DTNA: variants seen among roughly 807,000 people sequenced by gnomAD.
The protein encoded by DTNA is dystrobrevin alpha.
In DTNA, 43 loss-of-function variants were observed where a neutral mutation model predicts 100.7. The ratio of observed to expected loss-of-function variants is 0.43; its 90% confidence interval spans 0.33 to 0.55. DTNA has a LOEUF of 0.55. Among genes scored for constraint, DTNA ranks in the 20% least tolerant of loss-of-function variants. DTNA has a pLI of 0.04. For synonymous variants in DTNA, 349 were observed against 347.9 expected, an observed-to-expected ratio of 1.00 and a Z score of -0.04; for missense variants, 798 against 953.9, an observed-to-expected ratio of 0.84 and a Z score of 2.15.
chr18:34,874,400 T>C (rs1405027275), intron 17 of DTNA, among the ~76,000 whole-genome samples: 1 of 152,220 alleles, frequency 6.6e-6, no homozygotes, highest in African/African-American at 2.4e-5. Flanking sequence ...GGAGAATATT[T>C]CCAAGGCACC....
chr18:34,660,533 G>A (rs1463355109), intron 1 of DTNA, among the ~76,000 whole-genome samples: 1 of 152,032 alleles, frequency 6.6e-6, no homozygotes, highest in Non-Finnish European at 1.5e-5. Flanking sequence ...TCTGCATTCT[G>A]TAGAGAATCC....
intron 9 of DTNA, among the ~76,000 whole-genome samples, chr18:34,826,536 T>C (rs1018825579): frequency 2.6e-5 from 4 of 152,176 alleles, no homozygotes; most frequent in Admixed American, 2.6e-4. Context: ...TTCTCTAAGG[T>C]AAAAATTAAA....
chr18:34,680,558 A>C (rs927805699), intron 1 of DTNA, among the ~76,000 whole-genome samples: 1 of 152,184 alleles, frequency 6.6e-6, no homozygotes, highest in African/African-American at 2.4e-5. Flanking sequence ...ATCTAATCTG[A>C]AAGGCAGAGA....
chr18:34,786,869 C>T (rs1029552022), intron 3 of DTNA, among the ~76,000 whole-genome samples: 1 of 152,108 alleles, frequency 6.6e-6, no homozygotes, highest in Non-Finnish European at 1.5e-5. Flanking sequence ...TTATGGTAAT[C>T]AGCTTCTTGC....
rs28650208 is a variant in DTNA at position 34,884,626 on chromosome 18, C to G, written c.2296-102C>G. 2,669 of 1,214,944 alleles carry G rather than the reference C, an allele frequency of 2.2e-3. 49 individuals carry two copies. The African/African-American group carries it at 0.034, about 16-fold the overall frequency. 75.3% of individuals were successfully genotyped at this position (1,214,944 alleles called of 1,614,324 possible). On this transcript the variant is annotated intron_variant, in intron 21 of 22. Coordinates refer to ENST00000444659, the MANE Select transcript of DTNA (RefSeq NM_001386795.1). ...CTCACTCAATAGACTCTCTCTCTCT[C>G]TGTGTCTTTGTGCATGGCTTCCCGC... is the stretch of plus-strand genomic sequence containing the variant.
At chr18:34,707,456 G>A (rs557528559), upstream of DTNA, among the ~76,000 whole-genome samples, 2 of 152,030 alleles carry the variant, frequency 1.3e-5, no homozygotes, top group Non-Finnish European at 2.9e-5. Context: ...ATATACTGGC[G>A]TCGTATTCCC....
Position 34,888,578 on chromosome 18 carries a change from A to T in DTNA, c.*844A>T. 4.1e-6 allele frequency: 4 copies of T among 985,806 alleles called. No homozygotes were observed. The highest frequency in any genetic ancestry group is 4.8e-6 in the Non-Finnish European group (4 of 829,856). 61.1% of individuals were successfully genotyped at this position (985,806 alleles called of 1,614,324 possible). ...ATTCAAAAAAGGCAGCATTCAAATT[A>T]TATAGAATCTAGTTTTTAAAATCAG... On this transcript the variant is annotated 3_prime_UTR_variant, in exon 23 of 23. Coordinates refer to ENST00000444659, the MANE Select transcript of DTNA (RefSeq NM_001386795.1).
At chr18:34,577,601 G>A (rs1450322900) in intron 1 of DTNA, among the ~76,000 whole-genome samples, 1 of 152,028 alleles carries the variant, frequency 6.6e-6, no homozygotes, top group Non-Finnish European at 1.5e-5. Context: ...ACCCTTCCCT[G>A]GTGAGTCCCC....
chr18:34,650,195 A>C (rs2060283577), intron 1 of DTNA, among the ~76,000 whole-genome samples: 1 of 152,158 alleles, frequency 6.6e-6, no homozygotes, highest in African/African-American at 2.4e-5. Context: ...CTGGCACCTG[A>C]AAATCTTCAC....
intron 3 of DTNA, among the ~76,000 whole-genome samples, chr18:34,771,321 T>A (rs967087651): frequency 1.3e-4 from 19 of 151,808 alleles, no homozygotes; most frequent in Non-Finnish European, 1.8e-4. Context: ...AACATGGTGA[T>A]ACCCCATCTC....
At chr18:34,565,289 A>T (rs1433833667) in intron 1 of DTNA, among the ~76,000 whole-genome samples, 1 of 152,240 alleles carries the variant, frequency 6.6e-6, no homozygotes, top group Non-Finnish European at 1.5e-5. Flanking sequence ...TATTAAAAAT[A>T]GAGAAGAAAT....
chr18:34,853,675 T>TA (rs1044900807), intron 15 of DTNA, among the ~76,000 whole-genome samples: 4 of 151,306 alleles, frequency 2.6e-5, no homozygotes, highest in South Asian at 4.2e-4. Context: ...AAAATAAAAT[T>TA]AAAAAAAAGT....
chr18:34,798,429 C>T (rs1183484698), intron 4 of DTNA, among the ~76,000 whole-genome samples: 1 of 151,714 alleles, frequency 6.6e-6, no homozygotes, highest in East Asian at 1.9e-4. Flanking sequence ...AAAAAAAAAA[C>T]AAGTGTTCAT....
At chr18:34,878,960 AATTTAG>A (rs2096845721) in intron 19 of DTNA, among the ~76,000 whole-genome samples, 4 of 152,214 alleles carry the variant, frequency 2.6e-5, no homozygotes, top group Admixed American at 1.3e-4. Flanking sequence ...TGTTGCTGCT[AATTTAG>A]ATTAAGATTA....
At chr18:34,815,675 A>AG in intron 6 of DTNA, 1 of 481,840 alleles carries the variant, frequency 2.1e-6, no homozygotes, top group South Asian at 2.1e-5. Flanking sequence ...TGGTGATACT[A>AG]TTGACTCAGC....
chr18:34,596,477 C>T (rs1258280535), intron 1 of DTNA, among the ~76,000 whole-genome samples: 1 of 152,184 alleles, frequency 6.6e-6, no homozygotes, highest in Non-Finnish European at 1.5e-5. Flanking sequence ...CCTCAGCTTC[C>T]CAAAGTGCTG....
At chr18:34,860,035 T>G (rs899278076) in intron 16 of DTNA, among the ~76,000 whole-genome samples, 13 of 151,926 alleles carry the variant, frequency 8.6e-5, no homozygotes, top group Admixed American at 2.0e-4. Context: ...ATTCTTTTCT[T>G]TTTGTTTTTG....
chr18:34,641,641 T>C lies in DTNA; in HGVS notation c.-1-114335T>C, dbSNP rs2059292572. Among the ~76,000 whole-genome samples, 4 of 152,252 alleles carry C rather than the reference T, an allele frequency of 2.6e-5. No individual in the cohort carries two copies. The South Asian group carries it at 8.3e-4, about 31-fold the overall frequency. On this transcript the variant is annotated intron_variant, in intron 1 of 19. Coordinates refer to the DTNA transcript ENST00000283365. ...GGAGGAGTTCCTCCAATCCCTGGAT[T>C]CAACCTATCCCTCCTATTGAATATC... is the stretch of plus-strand genomic sequence containing the variant.
intron 5 of DTNA, among the ~76,000 whole-genome samples, chr18:34,808,281 A>T (rs1019931521): frequency 1.3e-5 from 2 of 152,134 alleles, no homozygotes; most frequent in African/African-American, 4.8e-5. Context: ...TCAGTGTAAG[A>T]TTTCATCCTC....
Sources: gnomAD v4.1 joint callset for allele counts (sites outside exome capture counted in the v4.1 genomes callset) on GRCh38, gnomAD v4.1.1 for gene constraint, MANE v1.5 for transcripts, NCBI Gene and HGNC (gene_info 2026-07-23, HGNC 2026-07-21) for gene names.